SGMS1: variants seen among roughly 807,000 people sequenced by gnomAD.
SGMS1 encodes sphingomyelin synthase 1.
SGMS1 carries 13 observed loss-of-function variants against 46.2 expected under a neutral mutation model. The observed-to-expected ratio is 0.28, with a 90% CI of 0.18 to 0.45. SGMS1 has a LOEUF of 0.45. Among genes scored for constraint, SGMS1 ranks in the 20% least tolerant of loss-of-function variants. The probability of loss-of-function intolerance (pLI) is 1.00; values close to 1 mark genes in which losing one functional copy is unlikely to be tolerated. For synonymous variants in SGMS1, 203 were observed against 187.8 expected, an observed-to-expected ratio of 1.08 and a Z score of -0.66; for missense variants, 324 against 519.9, an observed-to-expected ratio of 0.62 and a Z score of 3.66.
intron 6 of SGMS1, among the ~76,000 whole-genome samples, chr10:50,424,388 G>A (rs78512098): frequency 0.016 from 2,407 of 151,980 alleles, 72 homozygotes; most frequent in African/African-American, 0.055. Context: ...TTTATCAATA[G>A]TATCTTCATA....
intron 2 of SGMS1, among the ~76,000 whole-genome samples, chr10:50,558,154 T>TA (rs1239253910): frequency 6.6e-6 from 1 of 152,190 alleles, no homozygotes; most frequent in Non-Finnish European, 1.5e-5. Flanking sequence ...TGGCTGCAGC[T>TA]GTATGCTAGT....
intron 6 of SGMS1, among the ~76,000 whole-genome samples, chr10:50,366,884 G>A (rs1848355672): frequency 6.6e-6 from 1 of 152,144 alleles, no homozygotes; most frequent in African/African-American, 2.4e-5. Flanking sequence ...AAACCACCAT[G>A]ACATGTGTAT....
intron 5 of SGMS1, among the ~76,000 whole-genome samples, chr10:50,456,763 T>A (rs1837196118): frequency 1.3e-5 from 2 of 152,128 alleles, no homozygotes; most frequent in African/African-American, 4.8e-5. Context: ...GAGAGCCAAA[T>A]CACCTGCAAA....
chr10:50,537,362 A>T lies in SGMS1; in HGVS notation c.-588-17441T>A, dbSNP rs370919825. ...GGTGTCAGAGATAAAATGTTGGGGT[A>T]CTCAGCCCTCTACCCCATTTCATGA... is the stretch of plus-strand genomic sequence containing the variant. On this transcript the variant is annotated intron_variant, in intron 2 of 10. Transcript: ENST00000361781. Among the ~76,000 whole-genome samples, 33 of 151,896 alleles carry T rather than the reference A, an allele frequency of 2.2e-4. 2 individuals carry two copies. In the South Asian group the frequency reaches 5.4e-3, roughly 25 times the overall value.
At chr10:50,444,726 T>TA (rs55804486) in intron 5 of SGMS1, among the ~76,000 whole-genome samples, 13 of 150,998 alleles carry the variant, frequency 8.6e-5, no homozygotes, top group Non-Finnish European at 1.3e-4. Flanking sequence ...CCCCATTTAT[T>TA]AAAAAAAAAA....
At chr10:50,611,394 C>T (rs1367601329) in intron 1 of SGMS1, among the ~76,000 whole-genome samples, 1 of 152,188 alleles carries the variant, frequency 6.6e-6, no homozygotes, top group African/African-American at 2.4e-5. Flanking sequence ...AGCCACTGCC[C>T]CAAAAGGATT....
chr10:50,509,601 A>AGTG (rs1191785810), intron 3 of SGMS1, among the ~76,000 whole-genome samples: 1 of 152,174 alleles, frequency 6.6e-6, no homozygotes, highest in African/African-American at 2.4e-5. Flanking sequence ...TTGTATACTA[A>AGTG]ACACTATCTC....
At position 50,306,626 on chromosome 10, in the gene SGMS1, T is replaced by C. The variant is rs749143527; in HGVS notation, c.*516A>G. ...CAAAGTTACCAAACCTTTCTGTGTC[T>C]ATCATTTTTATTTGAATATCGGTGC... On this transcript the variant is annotated 3_prime_UTR_variant, in exon 11 of 11. Transcript: ENST00000361781. 12 of 152,836 alleles carry C rather than the reference T, an allele frequency of 7.9e-5. No homozygotes were observed. The highest frequency in any genetic ancestry group is 1.9e-4 in the East Asian group (1 of 5,338). The allele number at this position is 152,836 out of a possible 1,614,324, so 9.5% of individuals were successfully genotyped here.
At chr10:50,517,055 A>G (rs1837812906) in intron 3 of SGMS1, among the ~76,000 whole-genome samples, 1 of 152,174 alleles carries the variant, frequency 6.6e-6, no homozygotes, top group East Asian at 1.9e-4. Context: ...ACCAAAGGGA[A>G]TAGGTATTCA....
chr10:50,327,824 T>C (rs1847554564), intron 7 of SGMS1, among the ~76,000 whole-genome samples: 1 of 152,194 alleles, frequency 6.6e-6, no homozygotes, highest in Non-Finnish European at 1.5e-5. Flanking sequence ...TGAGGCAACA[T>C]GATGCCAAGA....
At chr10:50,506,875 C>T (rs1338886883) in intron 3 of SGMS1, among the ~76,000 whole-genome samples, 1 of 152,222 alleles carries the variant, frequency 6.6e-6, no homozygotes. Context: ...TGAACCCAGT[C>T]TTTGCAGCCA....
intron 8 of SGMS1, among the ~76,000 whole-genome samples, chr10:50,324,152 T>C (rs1350525574): frequency 6.6e-6 from 1 of 152,216 alleles, no homozygotes; most frequent in African/African-American, 2.4e-5. Flanking sequence ...TCCACACCTA[T>C]AACTCCTTAA....
intron 6 of SGMS1, among the ~76,000 whole-genome samples, chr10:50,353,390 C>T (rs545515624): frequency 9.7e-4 from 147 of 152,276 alleles, no homozygotes; most frequent in African/African-American, 2.8e-3. Flanking sequence ...ATTCAACAAC[C>T]CTTCATGCTA....
intron 6 of SGMS1, among the ~76,000 whole-genome samples, chr10:50,413,157 A>G (rs1849124297): frequency 6.6e-6 from 1 of 152,198 alleles, no homozygotes; most frequent in African/African-American, 2.4e-5. Context: ...CATAATTTAC[A>G]TGTATATCTT....
At chr10:50,342,048 C>CTTACAAAAACAAAACAACAAA in intron 7 of SGMS1, 1 of 152,282 alleles carries the variant, frequency 6.6e-6, no homozygotes, top group African/African-American at 2.4e-5. Context: ...AAGGAGCAAA[C>CTTACAAAAACAAAACAACAAA]TTACAAAAAC....
At chr10:50,469,697 A>C (rs1837361798) in intron 3 of SGMS1, among the ~76,000 whole-genome samples, 1 of 152,130 alleles carries the variant, frequency 6.6e-6, no homozygotes, top group East Asian at 1.9e-4. Flanking sequence ...TGTGGTACAG[A>C]ATAAGGTACT....
At chr10:50,531,225 TCACC>T (rs1837950336) in intron 2 of SGMS1, among the ~76,000 whole-genome samples, 1 of 152,240 alleles carries the variant, frequency 6.6e-6, no homozygotes, top group African/African-American at 2.4e-5. Context: ...AATCTTGCTA[TCACC>T]CATGTGTGCT....
intron 2 of SGMS1, among the ~76,000 whole-genome samples, chr10:50,525,255 T>C (rs1327776706): frequency 1.3e-5 from 2 of 152,146 alleles, no homozygotes; most frequent in Non-Finnish European, 2.9e-5. Flanking sequence ...GAGTGAAGAT[T>C]AGTGAATAGG....
chr10:50,512,265 G>A (rs192208270), intron 3 of SGMS1, among the ~76,000 whole-genome samples: 126 of 152,128 alleles, frequency 8.3e-4, no homozygotes, highest in African/African-American at 2.8e-3. Context: ...CTCCATACAT[G>A]ATAGCACTCA....
Sources: allele counts gnomAD v4.1 joint callset (sites outside exome capture counted in the v4.1 genomes callset), GRCh38; gene constraint gnomAD v4.1.1; transcripts MANE v1.5; gene names NCBI Gene and HGNC (gene_info 2026-07-23, HGNC 2026-07-21).